COL24A1: variants seen among roughly 807,000 people sequenced by gnomAD.
The protein encoded by COL24A1 is collagen alpha-1(XXIV) chain.
Under a neutral mutation model 253.9 loss-of-function variants are expected in COL24A1, and 224 were observed. That is an observed-to-expected ratio of 0.88 (90% CI 0.79 to 0.99). The LOEUF is 0.99. COL24A1 is among the 50% of genes least tolerant of loss of function. The probability of loss-of-function intolerance (pLI) is 0.00; values close to 1 mark genes in which losing one functional copy is unlikely to be tolerated. For missense variants in COL24A1, 2,131 were observed against 2,068.5 expected, an observed-to-expected ratio of 1.03 and a Z score of -0.59; for synonymous variants, 685 against 673.7, an observed-to-expected ratio of 1.02 and a Z score of -0.26.
chr1:85,800,701 G>A (rs1264083736), intron 47 of COL24A1, among the ~76,000 whole-genome samples: 1 of 152,118 alleles, frequency 6.6e-6, no homozygotes, highest in Non-Finnish European at 1.5e-5. Flanking sequence ...ACTGGGAGCT[G>A]TTGATGTTAC....
intron 18 of COL24A1, among the ~76,000 whole-genome samples, chr1:86,018,989 A>C (rs1697245531): frequency 6.6e-6 from 1 of 152,186 alleles, no homozygotes; most frequent in Admixed American, 6.6e-5. Flanking sequence ...ACTTAGATCT[A>C]CTTGGAAACA....
intron 2 of COL24A1, among the ~76,000 whole-genome samples, chr1:86,142,384 G>A (rs1364378709): frequency 6.6e-6 from 1 of 151,636 alleles, no homozygotes; most frequent in Non-Finnish European, 1.5e-5. Flanking sequence ...TTAGCTGGGC[G>A]TGGTGGTGGG....
At chr1:85,969,691 T>C (rs1401917000) in intron 22 of COL24A1, among the ~76,000 whole-genome samples, 3 of 150,742 alleles carry the variant, frequency 2.0e-5, no homozygotes, top group Non-Finnish European at 4.4e-5. Context: ...GTATTTCATG[T>C]GAGTCTAATG....
intron 8 of COL24A1, among the ~76,000 whole-genome samples, chr1:86,063,400 T>C (rs989434542): frequency 1.3e-5 from 2 of 151,800 alleles, no homozygotes; most frequent in Non-Finnish European, 2.9e-5. Flanking sequence ...TGTATGGATA[T>C]GTATATTTTC....
intron 10 of COL24A1, among the ~76,000 whole-genome samples, chr1:86,055,461 A>G (rs189679230): frequency 5.4e-4 from 83 of 152,356 alleles, no homozygotes; most frequent in African/African-American, 1.9e-3. Context: ...GGGAAAAGGA[A>G]AAAACAAAAG....
intron 58 of COL24A1, chr1:85,736,094 CA>C (rs1263166816): frequency 3.3e-6 from 1 of 300,516 alleles, no homozygotes; most frequent in African/African-American, 2.2e-5. Context: ...TCGGGTATAA[CA>C]CTAATCTGGC....
intron 7 of COL24A1, among the ~76,000 whole-genome samples, chr1:86,088,126 C>T (rs1703204044): frequency 6.6e-6 from 1 of 152,152 alleles, no homozygotes; most frequent in Non-Finnish European, 1.5e-5. Flanking sequence ...TCTGTCTTCT[C>T]CCAAACTCCC....
At chr1:85,838,310 A>T (rs938322532) in intron 43 of COL24A1, among the ~76,000 whole-genome samples, 1 of 152,234 alleles carries the variant, frequency 6.6e-6, no homozygotes, top group Non-Finnish European at 1.5e-5. Flanking sequence ...AATATGGTCC[A>T]GAGTGATTGT....
chr1:86,005,982 T>C (rs900862654), intron 19 of COL24A1, among the ~76,000 whole-genome samples: 3 of 152,126 alleles, frequency 2.0e-5, no homozygotes, highest in African/African-American at 7.2e-5. Flanking sequence ...AGTTGGTTAT[T>C]AGCACCAACT....
At chr1:86,072,408 G>A (rs1035916767) in intron 7 of COL24A1, among the ~76,000 whole-genome samples, 1 of 152,130 alleles carries the variant, frequency 6.6e-6, no homozygotes, top group African/African-American at 2.4e-5. Context: ...TTAAAACTGG[G>A]TGAAAGCTGC....
At chr1:85,812,294 GCTTTGACATTGCTC>G (rs1672630601) in intron 47 of COL24A1, among the ~76,000 whole-genome samples, 1 of 152,174 alleles carries the variant, frequency 6.6e-6, no homozygotes, top group Non-Finnish European at 1.5e-5. Context: ...CGTTCCCATT[GCTTTGACATTGCTC>G]CTTCAGCTTT....
intron 37 of COL24A1, among the ~76,000 whole-genome samples, chr1:85,861,825 C>T (rs1040771648): frequency 6.6e-6 from 1 of 152,132 alleles, no homozygotes; most frequent in Admixed American, 6.5e-5. Context: ...TACTTCCTAC[C>T]TATTTCTTCA....
intron 45 of COL24A1, among the ~76,000 whole-genome samples, chr1:85,823,195 GA>G (rs1400569764): frequency 3.3e-5 from 5 of 152,140 alleles, no homozygotes; most frequent in Admixed American, 6.6e-5. Context: ...AGGTTTGACT[GA>G]TTTTTTTTAC....
chr1:85,923,635 A>G (rs1444899480), intron 24 of COL24A1, among the ~76,000 whole-genome samples: 1 of 152,250 alleles, frequency 6.6e-6, no homozygotes, highest in Non-Finnish European at 1.5e-5. Flanking sequence ...GAACAAAGAC[A>G]CAACGTACCG....
intron 5 of COL24A1, among the ~76,000 whole-genome samples, chr1:86,110,707 G>A (rs1705474724): frequency 6.6e-6 from 1 of 152,246 alleles, no homozygotes; most frequent in Middle Eastern, 3.4e-3. Flanking sequence ...CAGAGGGTGC[G>A]CTGGGTCCCG....
chr1:86,109,324 A>AG (rs1557658669), intron 5 of COL24A1, among the ~76,000 whole-genome samples: 1 of 7,658 alleles, frequency 1.3e-4, no homozygotes, highest in Non-Finnish European at 5.6e-3. Flanking sequence ...ACAGGTGAGA[A>AG]ATTTTGGAAA....
At chr1:85,774,373 TG>T (rs1184690667) in intron 53 of COL24A1, among the ~76,000 whole-genome samples, 1 of 152,184 alleles carries the variant, frequency 6.6e-6, no homozygotes, top group African/African-American at 2.4e-5. Context: ...ATCAGGATGA[TG>T]CTGGCCTCAT....
rs544217438 is a variant in COL24A1, at chr1:86,034,633, C to T, written c.1951-710G>A. 2.0e-4 allele frequency among the ~76,000 whole-genome samples: 30 copies of T among 151,952 alleles called. No homozygotes were observed. The South Asian group carries it at 4.8e-3, about 24-fold the overall frequency. ...TTTAAGTACAGTTTTATTAAGGAAA[C>T]GAATAATACACATAAATACTACAAA... is the stretch of plus-strand genomic sequence containing the variant. On this transcript the variant is annotated intron_variant, in intron 12 of 59. Coordinates refer to ENST00000370571, the MANE Select transcript of COL24A1 (RefSeq NM_152890.7).
chr1:86,099,437 A>G (rs764415323), intron 5 of COL24A1, among the ~76,000 whole-genome samples: 1 of 152,210 alleles, frequency 6.6e-6, no homozygotes, highest in Non-Finnish European at 1.5e-5. Context: ...AAAATTAACA[A>G]AGCCAAATAT....
Sources: gnomAD v4.1 joint callset for allele counts (sites outside exome capture counted in the v4.1 genomes callset) on GRCh38, gnomAD v4.1.1 for gene constraint, MANE v1.5 for transcripts, NCBI Gene and HGNC (gene_info 2026-07-23, HGNC 2026-07-21) for gene names.